Variants in PLXNA2 observed in about 807,000 individuals in gnomAD.
The protein encoded by PLXNA2 is plexin-A2.
In PLXNA2, 91 loss-of-function variants were observed where a neutral mutation model predicts 193.5. The ratio of observed to expected loss-of-function variants is 0.47; its 90% CI spans 0.40 to 0.56. The LOEUF is 0.56. Among genes scored for constraint, PLXNA2 ranks in the 20% least tolerant of loss-of-function variants. The probability of loss-of-function intolerance (pLI) is 0.00; values close to 1 mark genes in which losing one functional copy is unlikely to be tolerated. For synonymous variants in PLXNA2, 997 were observed against 1,027.3 expected (o/e 0.97, Z 0.56); for missense variants, 1,995 against 2,503.2 (o/e 0.80, Z 4.33).
At chr1:208,093,804 T>G (rs1037536800) in intron 8 of PLXNA2, among the ~76,000 whole-genome samples, 3 of 152,216 alleles carry the variant, frequency 2.0e-5, no homozygotes, top group African/African-American at 7.2e-5. Flanking sequence ...TTTGGCTCTC[T>G]GTGTGTGATC....
chr1:208,035,510 C>T (rs1664643371), intron 26 of PLXNA2, among the ~76,000 whole-genome samples: 1 of 152,096 alleles, frequency 6.6e-6, no homozygotes, highest in Non-Finnish European at 1.5e-5. Context: ...ACCCAGCCTG[C>T]AGGAGAGGGC....
At position 208,028,752 on chromosome 1, in the gene PLXNA2, C is replaced by T. The variant is rs184233765; in HGVS notation, c.5438+78G>A. 2,607 of 1,333,898 alleles carry T rather than the reference C, an allele frequency of 2.0e-3. 6 individuals carry two copies. The highest frequency in any genetic ancestry group is 3.3e-3 in the Admixed American group (165 of 50,602). 82.6% of individuals were successfully genotyped at this position (1,333,898 alleles called of 1,614,324 possible). A position where few individuals can be genotyped will look rare whatever the true frequency, so the allele number is the denominator to read the frequency against. ...AGATGACAGACACCGTCGTCTGAGT[C>T]CTTAGTCAGTGATGACTATAGAGCG... On this transcript the variant is annotated intron_variant, in intron 30 of 31. Transcript: ENST00000367033. This position sits in a 1 kb window ranked among gnomAD's most constrained non-coding sequence, Gnocchi z 4.2.
intron 13 of PLXNA2, among the ~76,000 whole-genome samples, chr1:208,055,690 C>T (rs1482771394): frequency 1.3e-5 from 2 of 152,150 alleles, no homozygotes; most frequent in African/African-American, 2.4e-5. Context: ...CCGAGCGATG[C>T]TTATCTCAAC....
At chr1:208,138,907 A>T (rs766996234) in intron 4 of PLXNA2, among the ~76,000 whole-genome samples, 1 of 152,126 alleles carries the variant, frequency 6.6e-6, no homozygotes, top group East Asian at 1.9e-4. Flanking sequence ...TGTACCTGTA[A>T]TCCCAGCAAC....
chr1:208,123,917 G>T (rs1331447045), intron 4 of PLXNA2, among the ~76,000 whole-genome samples: 1 of 152,152 alleles, frequency 6.6e-6, no homozygotes, highest in East Asian at 1.9e-4. Flanking sequence ...GCTACTTGGA[G>T]AGTTACGGGA....
chr1:208,154,259 G>T (rs539209780), intron 3 of PLXNA2, among the ~76,000 whole-genome samples: 15 of 152,328 alleles, frequency 9.8e-5, no homozygotes, highest in African/African-American at 2.9e-4. Flanking sequence ...GCAGGTGCCC[G>T]GATCTCACCG....
At chr1:208,220,591 C>T (rs1330340521) in intron 1 of PLXNA2, among the ~76,000 whole-genome samples, 1 of 151,370 alleles carries the variant, frequency 6.6e-6, no homozygotes, top group Admixed American at 6.6e-5. Context: ...TGCCACCACA[C>T]CCGCCTAATT....
intron 1 of PLXNA2, among the ~76,000 whole-genome samples, chr1:208,235,647 A>G (rs1671827978): frequency 6.6e-6 from 1 of 152,148 alleles, no homozygotes; most frequent in Non-Finnish European, 1.5e-5. Context: ...AGGAAGTGGG[A>G]AGGGCTACAA....
Position 208,098,458 on chromosome 1 carries a change from TCA to T in PLXNA2, c.1731+386_1731+387del, listed in dbSNP as rs56677339. On this transcript the variant is annotated intron_variant, in intron 6 of 31. Transcript: ENST00000367033. ...CTCTCTCTCTCTCTCTCTCTCTCTC[TCA>T]CACACACACACACACACACACACAC... Among the ~76,000 whole-genome samples the T allele has an allele frequency of 4.0e-3, 500 of 123,498 alleles. 1 individual carries two copies. The highest frequency in any genetic ancestry group is 0.01 in the African/African-American group (330 of 31,520). 81.0% of individuals were successfully genotyped at this position (123,498 alleles called of 152,430 possible). A position where few individuals can be genotyped will look rare whatever the true frequency, so the allele number is the denominator to read the frequency against.
intron 2 of PLXNA2, among the ~76,000 whole-genome samples, chr1:208,213,707 A>C (rs768094680): frequency 5.3e-5 from 8 of 152,110 alleles, no homozygotes; most frequent in Non-Finnish European, 1.2e-4. Flanking sequence ...TTCCCCTCTA[A>C]GGCCACCAAA....
At chr1:208,229,712 A>T (rs1165974095) in intron 1 of PLXNA2, among the ~76,000 whole-genome samples, 1 of 152,206 alleles carries the variant, frequency 6.6e-6, no homozygotes, top group Non-Finnish European at 1.5e-5. Context: ...TATAATCTAG[A>T]CTTGTGCAGG....
intron 4 of PLXNA2, among the ~76,000 whole-genome samples, chr1:208,132,464 C>T (rs968263155): frequency 7.2e-5 from 11 of 152,066 alleles, no homozygotes; most frequent in Admixed American, 2.6e-4. Context: ...TGGCCCTGGG[C>T]AAATTACTTA....
intron 12 of PLXNA2, among the ~76,000 whole-genome samples, chr1:208,062,560 C>G (rs1665652670): frequency 6.6e-6 from 1 of 152,190 alleles, no homozygotes; most frequent in Non-Finnish European, 1.5e-5. Context: ...TCCCTCTGTC[C>G]CATCCAGGCC....
At chr1:208,232,785 C>A (rs983102874) in intron 1 of PLXNA2, among the ~76,000 whole-genome samples, 2 of 152,180 alleles carry the variant, frequency 1.3e-5, no homozygotes, top group Non-Finnish European at 2.9e-5. Context: ...TTCCTCGCAC[C>A]CTGCTCGGTG....
At chr1:208,218,117 C>G (rs926128006) in intron 1 of PLXNA2, 115 bp from the exon 2 acceptor site, 4 of 854,046 alleles carry the variant, frequency 4.7e-6, no homozygotes. Context: ...CCTCCTTCTG[C>G]ATTTTGGTTT....
At chr1:208,239,892 G>A (rs913136125) in intron 1 of PLXNA2, among the ~76,000 whole-genome samples, 11 of 152,240 alleles carry the variant, frequency 7.2e-5, no homozygotes, top group Admixed American at 6.5e-4. Context: ...GTCAGTGGCT[G>A]AGCCTGGGGC....
chr1:208,124,658 G>A (rs556548989), intron 4 of PLXNA2, among the ~76,000 whole-genome samples: 9 of 115,382 alleles, frequency 7.8e-5, no homozygotes, highest in South Asian at 5.7e-4. Flanking sequence ...CAGCCTGGGC[G>A]ACAACAGCAA....
rs996532375 is a variant in PLXNA2 at position 208,038,851 on chromosome 1, C to T, written c.4634G>A (p.Arg1545Gln). The change falls in exon 25 of 32, where the codon CGG becomes CAG. Residue 1545 changes from arginine to glutamine, a missense_variant. Transcript: ENST00000367033. The surrounding 1 kb of genome is among the most constrained non-coding windows in gnomAD (Gnocchi z 4.1). ...AVYKNVPYSQ[R>Q]PRAVDMDLEW... is the part of the protein sequence containing the mutation. Reference sequence around the variant, plus strand: ...CAAGTCCATGTCCACTGCCCTCGGCCGCTGGGAATAGGGCACATTCTTATA... The same window carrying T: ...CAAGTCCATGTCCACTGCCCTCGGCTGCTGGGAATAGGGCACATTCTTATA... The T allele has an allele frequency of 6.8e-6, 11 of 1,614,060 alleles. No individual in the cohort carries two copies. The highest frequency in any genetic ancestry group is 6.6e-5 in the South Asian group (6 of 91,062).
rs369549418 is a variant in PLXNA2 at position 208,054,384 on chromosome 1, C to G, written c.2856+37G>C. 2.0e-5 allele frequency: 29 copies of G among 1,428,114 alleles called. No individual in the cohort carries two copies. The East Asian group carries it at 2.1e-4, about 10-fold the overall frequency. The allele number at this position is 1,428,114 out of a possible 1,614,324, so 88.5% of individuals were successfully genotyped here. On this transcript the variant is annotated intron_variant, in intron 14 of 31. Coordinates refer to ENST00000367033, the MANE Select transcript of PLXNA2 (RefSeq NM_025179.4). Reference sequence around the variant, plus strand: ...AGTCTGGAGCATGTGTGTCTCCTCCCTGGGCACCTGCACCTGGCCCTGGAC... The same window carrying G: ...AGTCTGGAGCATGTGTGTCTCCTCCGTGGGCACCTGCACCTGGCCCTGGAC...
Sources: gnomAD v4.1 joint callset for allele counts (sites outside exome capture counted in the v4.1 genomes callset) on GRCh38, gnomAD v4.1.1 for gene constraint, Gnocchi (gnomAD v3.1) non-coding constraint, MANE v1.5 for transcripts, NCBI Gene and HGNC (gene_info 2026-07-23, HGNC 2026-07-21) for gene names.